SNX10: variants seen among roughly 807,000 people sequenced by gnomAD.
The protein encoded by SNX10 is sorting nexin-10.
Under a neutral mutation model 28.5 loss-of-function variants are expected in SNX10, and 25 were observed. The ratio of observed to expected loss-of-function variants is 0.88; its 90% CI spans 0.64 to 1.22. The LOEUF (loss-of-function observed/expected upper bound fraction) is 1.22. Among genes scored for constraint, SNX10 ranks in the 50% most tolerant of loss-of-function variants. SNX10 has a pLI of 0.00. For synonymous variants in SNX10, 62 were observed against 81.4 expected (o/e 0.76, Z 1.28); for missense variants, 223 against 242.6 (o/e 0.92, Z 0.54).
chr7:26,316,842 T>G (rs958803466), intron 1 of SNX10, among the ~76,000 whole-genome samples: 1 of 152,190 alleles, frequency 6.6e-6, no homozygotes, highest in African/African-American at 2.4e-5. Flanking sequence ...CTCCATTTAT[T>G]CATGCTGTCT....
intron 1 of SNX10, among the ~76,000 whole-genome samples, chr7:26,313,214 A>C (rs115265365): frequency 6.6e-6 from 1 of 152,176 alleles, no homozygotes; most frequent in African/African-American, 2.4e-5. Flanking sequence ...CCCACTTTTT[A>C]AAAAAAGAAC....
intron 2 of SNX10, among the ~76,000 whole-genome samples, chr7:26,358,997 G>T (rs147534919): frequency 6.6e-6 from 1 of 151,470 alleles, no homozygotes. Flanking sequence ...GTAGAGATGG[G>T]GTTTCACTAT....
intron 2 of SNX10, among the ~76,000 whole-genome samples, chr7:26,351,647 TTTTTTTTTTTTG>T (rs1204004748): frequency 1.4e-5 from 1 of 69,590 alleles, no homozygotes; most frequent in Non-Finnish European, 3.2e-5. Context: ...AGCAGTCTGG[TTTTTTTTTTTTG>T]TTTTTTTTTT....
chr7:26,305,205 T>A (rs1786536862), intron 1 of SNX10, among the ~76,000 whole-genome samples: 1 of 152,188 alleles, frequency 6.6e-6, no homozygotes, highest in East Asian at 1.9e-4. Context: ...TACCCCTCAC[T>A]CCATCCCCCT....
intron 1 of SNX10, among the ~76,000 whole-genome samples, chr7:26,316,720 G>C (rs1300236922): frequency 2.0e-5 from 3 of 152,208 alleles, no homozygotes; most frequent in African/African-American, 7.2e-5. Context: ...GGGTAAGCAG[G>C]TGGACCAGGG....
intron 1 of SNX10, among the ~76,000 whole-genome samples, chr7:26,304,974 C>T (rs149523495): frequency 1.2e-3 from 178 of 152,276 alleles, no homozygotes; most frequent in African/African-American, 3.7e-3. Context: ...AGGTTTTCTG[C>T]GAATTCCCTG....
intron 1 of SNX10, among the ~76,000 whole-genome samples, chr7:26,327,731 T>C (rs6943616): frequency 0.013 from 1,676 of 125,180 alleles, 24 homozygotes; most frequent in African/African-American, 0.047. Context: ...CTTTTCTTTT[T>C]TTTTTTTTTT....
chr7:26,305,174 C>G (rs1344593955), intron 1 of SNX10, among the ~76,000 whole-genome samples: 2 of 152,088 alleles, frequency 1.3e-5, no homozygotes, highest in African/African-American at 4.8e-5. Flanking sequence ...CTCCTGGGTC[C>G]CTCTTTCCTC....
At chr7:26,345,217 G>A (rs1331484694) in intron 1 of SNX10, among the ~76,000 whole-genome samples, 1 of 152,112 alleles carries the variant, frequency 6.6e-6, no homozygotes, top group Non-Finnish European at 1.5e-5. Flanking sequence ...CTATCTTTAT[G>A]GCAGCCACAA....
chr7:26,352,532 A>G (rs1002160224), intron 2 of SNX10, among the ~76,000 whole-genome samples: 3 of 152,256 alleles, frequency 2.0e-5, no homozygotes, highest in African/African-American at 7.2e-5. Context: ...TTATTAACTC[A>G]TAGCCGAGCT....
At position 26,372,497 on chromosome 7, in the gene SNX10, C is replaced by T. The variant is rs141563997; in HGVS notation, c.531C>T (p.Ser177=). The T allele has an allele frequency of 1.1e-4, 173 of 1,604,144 alleles. No homozygotes were observed. Among genetic ancestry groups the T allele is most frequent in the Non-Finnish European group, 1.4e-4 (168 of 1,171,228 alleles). The stretch of plus-strand genomic sequence containing the variant: ...CCCCTCTCTTCTTTTCCAGTTCATC[C>T]TCTGGGCTTGGACACAGTAGTGATG... ...NDIDYDSESS[S]SGLGHSSDDS... is the part of the protein sequence containing the mutation. Residue 177 remains serine, a synonymous_variant, in exon 7 of 7, where the codon TCC becomes TCT. Coordinates refer to ENST00000338523, the MANE Select transcript of SNX10 (RefSeq NM_013322.3).
intron 1 of SNX10, among the ~76,000 whole-genome samples, chr7:26,309,744 G>A (rs983059888): frequency 2.0e-5 from 3 of 152,244 alleles, no homozygotes; most frequent in Admixed American, 6.5e-5. Context: ...ATGCTTGGGT[G>A]CCCTGTTGGA....
chr7:26,311,692 G>T (rs1786859845), intron 1 of SNX10, among the ~76,000 whole-genome samples: 1 of 152,180 alleles, frequency 6.6e-6, no homozygotes, highest in Admixed American at 6.5e-5. Flanking sequence ...CACACTATAG[G>T]AACATGGAAT....
intron 2 of SNX10, among the ~76,000 whole-genome samples, chr7:26,353,136 G>C (rs973721062): frequency 6.6e-6 from 1 of 152,134 alleles, no homozygotes; most frequent in Non-Finnish European, 1.5e-5. Context: ...CTCATTCACA[G>C]TTGTTTATCC....
intron 6 of SNX10, 194 bp from the exon 7 acceptor site, chr7:26,372,297 T>G (rs1004881698): frequency 8.3e-6 from 5 of 602,622 alleles, no homozygotes; most frequent in African/African-American, 1.9e-5. Context: ...TAGTCAGACT[T>G]GAATTATTCG....
In SNX10 at chr7:26,361,040, T is replaced by A. The variant is rs778305367; in HGVS notation, c.90T>A (p.Ile30=). The A allele has an allele frequency of 6.2e-7, 1 of 1,604,508 alleles. No homozygotes were observed. The highest frequency in any genetic ancestry group is 8.5e-7 in the Non-Finnish European group (1 of 1,171,946). ...IQKEDFWHSY[I]DYEICIHTNS... is the part of the protein sequence containing the mutation. ...AGGAGGACTTCTGGCATTCTTACAT[T>A]GACTATGAGATATGTATTCATGTAA... The change falls in exon 3 of 7, where the codon ATT becomes ATA. Residue 30 remains isoleucine, a synonymous_variant. Transcript: ENST00000338523.
At chr7:26,333,982 A>G (rs1283546753) in intron 1 of SNX10, among the ~76,000 whole-genome samples, 1 of 152,228 alleles carries the variant, frequency 6.6e-6, no homozygotes, top group Non-Finnish European at 1.5e-5. Flanking sequence ...GATTGGACTA[A>G]TTAACACTAA....
intron 1 of SNX10, among the ~76,000 whole-genome samples, chr7:26,330,562 T>C (rs1787704687): frequency 6.6e-6 from 1 of 151,712 alleles, no homozygotes; most frequent in Admixed American, 6.6e-5. Flanking sequence ...TCCCGAGGCA[T>C]AGTGGAAGGA....
Position 26,364,394 on chromosome 7 carries a change from A to T in SNX10, c.112-141A>T. 7.2e-7 allele frequency: 1 copy of T among 1,385,988 alleles called. No homozygotes were observed. Among genetic ancestry groups the T allele is most frequent in the Non-Finnish European group, 9.3e-7 (1 of 1,069,970 alleles). The allele number at this position is 1,385,988 out of a possible 1,614,324, so 85.9% of individuals were successfully genotyped here. A position where few individuals can be genotyped will look rare whatever the true frequency, so the allele number is the denominator to read the frequency against. On this transcript the variant is annotated intron_variant, in intron 3 of 6. Coordinates refer to ENST00000338523, the MANE Select transcript of SNX10 (RefSeq NM_013322.3). This position sits in a 1 kb window ranked among gnomAD's most constrained non-coding sequence, Gnocchi z 4.9. ...TCCTGGGTTATGTGCAAGATTTCAG[A>T]GTACTGGCATAAATATAAATATATG...
Sources: gnomAD v4.1 joint callset for allele counts (sites outside exome capture counted in the v4.1 genomes callset) on GRCh38, gnomAD v4.1.1 for gene constraint, Gnocchi (gnomAD v3.1) non-coding constraint, MANE v1.5 for transcripts, NCBI Gene and HGNC (gene_info 2026-07-23, HGNC 2026-07-21) for gene names.